Variants in CCDC15 observed in about 807,000 individuals in gnomAD.
CCDC15 encodes the protein coiled-coil domain containing 15.
CCDC15 carries 105 observed loss-of-function variants against 114.5 expected under a neutral mutation model. The observed-to-expected ratio is 0.92, with a 90% CI of 0.78 to 1.08. CCDC15 has a LOEUF of 1.08. CCDC15 is among the 50% of genes least tolerant of loss of function. The pLI is 0.00. For missense variants in CCDC15, 1,105 were observed against 1,093.6 expected, an observed-to-expected ratio of 1.01 and a Z score of -0.15; for synonymous variants, 334 against 377.8, an observed-to-expected ratio of 0.88 and a Z score of 1.34.
At position 124,960,010 on chromosome 11, in the gene CCDC15, A is replaced by G. The variant is rs754377886; in HGVS notation, c.516+7A>G. 22 of 1,539,036 alleles carry G rather than the reference A, an allele frequency of 1.4e-5. No homozygotes were observed. In the African/African-American group the frequency reaches 2.8e-4, roughly 19 times the overall value. On this transcript the variant is annotated splice_region_variant and intron_variant, in intron 4 of 15. Coordinates refer to ENST00000344762, the MANE Select transcript of CCDC15 (RefSeq NM_025004.3). Reference sequence around the variant, plus strand: ...CCAACAACAAGCCCAGGCTGTAAGTACCTGTTCTTTTTATTTTATGTCTAT... The same window carrying G: ...CCAACAACAAGCCCAGGCTGTAAGTGCCTGTTCTTTTTATTTTATGTCTAT...
At chr11:125,028,372 G>GTTGAT (rs1948718765) in intron 13 of CCDC15, among the ~76,000 whole-genome samples, 1 of 152,104 alleles carries the variant, frequency 6.6e-6, no homozygotes, top group Non-Finnish European at 1.5e-5. Flanking sequence ...TTTTAACAAT[G>GTTGAT]TTGATTCTAC....
intron 5 of CCDC15, among the ~76,000 whole-genome samples, chr11:124,976,330 T>C (rs1047168908): frequency 1.1e-4 from 17 of 151,812 alleles, no homozygotes; most frequent in Non-Finnish European, 2.9e-5. Context: ...AATACTAAAC[T>C]GTAATGTTTT....
intron 13 of CCDC15, among the ~76,000 whole-genome samples, chr11:125,007,034 T>A (rs925808618): frequency 1.3e-5 from 2 of 152,222 alleles, no homozygotes; most frequent in Non-Finnish European, 2.9e-5. Context: ...TGATGTGTAA[T>A]GATCAAATCA....
chr11:124,972,010 T>A (rs1297095462), intron 4 of CCDC15, among the ~76,000 whole-genome samples: 6 of 152,214 alleles, frequency 3.9e-5, no homozygotes, highest in Non-Finnish European at 8.8e-5. Flanking sequence ...TATTAAACAT[T>A]TATGTTGTTA....
At chr11:125,038,877 C>T in intron 14 of CCDC15, 44 bp from the exon 15 acceptor site, 1 of 1,580,208 alleles carries the variant, frequency 6.3e-7, no homozygotes, top group Non-Finnish European at 8.6e-7. Flanking sequence ...TACTCACTTT[C>T]TTTTTAATAG....
intron 13 of CCDC15, among the ~76,000 whole-genome samples, chr11:125,016,187 T>C (rs1948628053): frequency 6.6e-6 from 1 of 152,178 alleles, no homozygotes. Flanking sequence ...ATCCTGTTTA[T>C]TGTGCGTAAG....
chr11:124,973,757 G>A (rs1947925614), intron 4 of CCDC15, among the ~76,000 whole-genome samples: 1 of 151,934 alleles, frequency 6.6e-6, no homozygotes, highest in South Asian at 2.1e-4. Flanking sequence ...TCAGCCTCTT[G>A]AGTAACAGAC....
chr11:124,994,018 C>T (rs1210335010), intron 11 of CCDC15, among the ~76,000 whole-genome samples: 1 of 152,124 alleles, frequency 6.6e-6, no homozygotes, highest in Non-Finnish European at 1.5e-5. Context: ...ATAATGTCTG[C>T]TTTTATGCCA....
At chr11:124,969,578 T>G (rs1263507916) in intron 4 of CCDC15, among the ~76,000 whole-genome samples, 1 of 152,232 alleles carries the variant, frequency 6.6e-6, no homozygotes, top group African/African-American at 2.4e-5. Context: ...TTTCTATTTT[T>G]ATTCTCTCTT....
chr11:124,959,100 C>T lies in CCDC15; in HGVS notation c.178-15C>T. On this transcript the variant is annotated splice_polypyrimidine_tract_variant and intron_variant, in intron 2 of 15. Transcript: ENST00000344762. ...GCTAACATTTAAGTTCATTTTCTGT[C>T]TTTCATCTTTAAAGACATCAGCATA... The T allele has an allele frequency of 6.6e-7, 1 of 1,522,062 alleles. No homozygotes were observed. Among genetic ancestry groups the T allele is most frequent in the South Asian group, 1.3e-5 (1 of 75,730 alleles). The allele number at this position is 1,522,062 out of a possible 1,614,324, so 94.3% of individuals were successfully genotyped here. A position where few individuals can be genotyped will look rare whatever the true frequency, so the allele number is the denominator to read the frequency against.
chr11:124,964,128 C>G (rs1349630325), intron 4 of CCDC15, among the ~76,000 whole-genome samples: 1 of 152,148 alleles, frequency 6.6e-6, no homozygotes, highest in African/African-American at 2.4e-5. Context: ...AATGCGGGCT[C>G]TTTTTTGGTT....
intron 13 of CCDC15, among the ~76,000 whole-genome samples, chr11:125,033,696 G>T (rs917030299): frequency 1.4e-5 from 2 of 140,686 alleles, no homozygotes; most frequent in East Asian, 2.0e-4. Flanking sequence ...TTTCCAGCTC[G>T]CTCACAGTGG....
chr11:124,959,846 C>A lies in CCDC15; in HGVS notation c.359C>A (p.Ser120Tyr). The A allele has an allele frequency of 6.2e-7, 1 of 1,602,710 alleles. No individual in the cohort carries two copies. The highest frequency in any genetic ancestry group is 8.5e-7 in the Non-Finnish European group (1 of 1,173,958). The part of the protein sequence containing the change: ...AQKEGSIAMQ[S>Y]SATHLTSKRT... ...AAAGAAGGCTCCATAGCCATGCAGT[C>A]TTCAGCAACACACTTAACTTCCAAA... Residue 120 changes from serine to tyrosine, a missense_variant, in exon 4 of 16, where the codon TCT becomes TAT. Transcript: ENST00000344762.
intron 4 of CCDC15, among the ~76,000 whole-genome samples, chr11:124,971,386 A>G (rs1339350827): frequency 2.6e-5 from 4 of 152,214 alleles, no homozygotes; most frequent in Non-Finnish European, 2.9e-5. Flanking sequence ...CCAAAGGGTC[A>G]CAGCTCCTCG....
intron 13 of CCDC15, among the ~76,000 whole-genome samples, chr11:125,011,300 C>A (rs1405777152): frequency 6.6e-6 from 1 of 150,526 alleles, no homozygotes; most frequent in African/African-American, 2.5e-5. Flanking sequence ...TGCAATGGCA[C>A]GATCTCGACT....
In CCDC15 at chr11:124,987,791, A is replaced by G. The variant is rs1378337994; in HGVS notation, c.1565A>G (p.Asn522Ser). Residue 522 changes from asparagine (N) to serine (S), a missense_variant, in exon 8 of 16, where the codon AAT becomes AGT. Physicochemically the swap from Asn to Ser is conservative, Grantham distance 46 (BLOSUM62 1). Coordinates refer to ENST00000344762, the MANE Select transcript of CCDC15 (RefSeq NM_025004.3). ...RDQHVLPKDQNILPKYQGQDF... is the reference protein window; with the variant it reads ...RDQHVLPKDQSILPKYQGQDF... ...CAGCATGTTCTCCCCAAAGACCAGA[A>G]TATTCTACCTAAATATCAAGGCCAG... 1 of 1,605,564 alleles carries G rather than the reference A, an allele frequency of 6.2e-7. No individual in the cohort carries two copies. The highest frequency in any genetic ancestry group is 1.1e-5 in the South Asian group (1 of 90,380).
chr11:124,970,776 G>C (rs1947864480), intron 4 of CCDC15, among the ~76,000 whole-genome samples: 1 of 152,112 alleles, frequency 6.6e-6, no homozygotes, highest in Admixed American at 6.5e-5. Context: ...GTCCTAGTTA[G>C]ATATCTATAT....
At chr11:125,021,914 T>G (rs897025099) in intron 13 of CCDC15, among the ~76,000 whole-genome samples, 4 of 151,922 alleles carry the variant, frequency 2.6e-5, no homozygotes, top group African/African-American at 9.7e-5. Context: ...AAACTTCAAT[T>G]TGATTCATTA....
rs190845008 is a variant in CCDC15 at position 124,966,705 on chromosome 11, T to C, written c.516+6702T>C. Among the ~76,000 whole-genome samples the C allele has an allele frequency of 1.8e-4, 27 of 152,298 alleles. No homozygotes were observed. The East Asian group carries it at 3.7e-3, about 21-fold the overall frequency. ...CATTATAATGTTAGCTGGTTATTTT[T>C]CCCATTAGTTGATGCAGTTTCTTCC... On this transcript the variant is annotated intron_variant, in intron 4 of 15. Transcript: ENST00000344762.
Sources: allele counts gnomAD v4.1 joint callset (sites outside exome capture counted in the v4.1 genomes callset), GRCh38; gene constraint gnomAD v4.1.1; transcripts MANE v1.5; gene names NCBI Gene and HGNC (gene_info 2026-07-23, HGNC 2026-07-21).